Variants in AKT3 observed in about 807,000 individuals in gnomAD.
The protein encoded by AKT3 is RAC-gamma serine/threonine-protein kinase.
AKT3 carries 15 observed loss-of-function variants against 65.3 expected under a neutral mutation model. The observed-to-expected ratio is 0.23, with a 90% CI of 0.15 to 0.35. The LOEUF (loss-of-function observed/expected upper bound fraction) is 0.35. AKT3 is among the 10% of genes least tolerant of loss of function. The probability of loss-of-function intolerance (pLI) is 1.00; values close to 1 mark genes in which losing one functional copy is unlikely to be tolerated. For synonymous variants in AKT3, 206 were observed against 183.8 expected, an observed-to-expected ratio of 1.12 and a Z score of -0.98; for missense variants, 243 against 576.5, an observed-to-expected ratio of 0.42 and a Z score of 5.92.
intron 2 of AKT3, among the ~76,000 whole-genome samples, chr1:243,816,149 G>A (rs1693506824): frequency 6.6e-6 from 1 of 152,028 alleles, no homozygotes; most frequent in Non-Finnish European, 1.5e-5. Flanking sequence ...GATAGTTTTT[G>A]GCTTATAATT....
intron 12 of AKT3, among the ~76,000 whole-genome samples, chr1:243,528,347 GCA>G (rs1671296471): frequency 6.6e-6 from 1 of 152,000 alleles, no homozygotes; most frequent in Admixed American, 6.6e-5. Flanking sequence ...AGGTTGAGTG[GCA>G]CACACGTAGG....
At chr1:243,673,637 CAG>C (rs1219270885) in intron 3 of AKT3, among the ~76,000 whole-genome samples, 2 of 105,598 alleles carry the variant, frequency 1.9e-5, no homozygotes, top group Non-Finnish European at 3.7e-5. Flanking sequence ...TTTTTTTAGA[CAG>C]AGTCTTGCTC....
intron 2 of AKT3, among the ~76,000 whole-genome samples, chr1:243,834,206 T>G (rs554081390): frequency 6.6e-6 from 1 of 152,068 alleles, no homozygotes. Context: ...TAAAGACACA[T>G]GTACACATAT....
intron 2 of AKT3, among the ~76,000 whole-genome samples, chr1:243,720,429 TAAAAAAA>T (rs66716743): frequency 4.2e-5 from 4 of 96,044 alleles, no homozygotes; most frequent in Admixed American, 2.9e-4. Flanking sequence ...AAAGACATAG[TAAAAAAA>T]AAAAAAAAAA....
chr1:243,827,842 T>C (rs1393360244), intron 2 of AKT3, among the ~76,000 whole-genome samples: 1 of 152,130 alleles, frequency 6.6e-6, no homozygotes, highest in Non-Finnish European at 1.5e-5. Context: ...AAACATGAAT[T>C]TTTAAATTAA....
rs139770173 is a variant in AKT3, at chr1:243,504,636, T to TTA, written c.*611_*612dup. On this transcript the variant is annotated 3_prime_UTR_variant, in exon 14 of 14. Coordinates refer to ENST00000673466, the MANE Select transcript of AKT3 (RefSeq NM_005465.7). ...CCACCAGGAATTTAAAAAAAAAAAA[T>TTA]TATATATATATATATATATCCCAAC... The TTA allele has an allele frequency of 3.9e-3, 640 of 164,226 alleles. 4 individuals are homozygous for TTA. The highest frequency in any genetic ancestry group is 0.014 in the East Asian group (126 of 8,754). The allele number at this position is 164,226 out of a possible 1,614,324, so 10.2% of individuals were successfully genotyped here.
intron 8 of AKT3, among the ~76,000 whole-genome samples, chr1:243,609,981 C>T (rs1027747504): frequency 1.3e-5 from 2 of 152,120 alleles, no homozygotes; most frequent in Admixed American, 6.5e-5. Context: ...TTATTTCACA[C>T]TTAGTATTAT....
At chr1:243,801,799 A>C (rs1572373681) in intron 2 of AKT3, among the ~76,000 whole-genome samples, 1 of 152,334 alleles carries the variant, frequency 6.6e-6, no homozygotes, top group South Asian at 2.1e-4. Flanking sequence ...ACCTGCAAAA[A>C]TTATCGAGCC....
intron 4 of AKT3, among the ~76,000 whole-genome samples, chr1:243,656,784 T>A (rs1016493814): frequency 6.6e-6 from 1 of 152,210 alleles, no homozygotes; most frequent in Admixed American, 6.5e-5. Flanking sequence ...AGTGTGAGTG[T>A]CGTGGCCATG....
At chr1:243,758,365 G>A (rs139812752) in intron 2 of AKT3, among the ~76,000 whole-genome samples, 1 of 152,380 alleles carries the variant, frequency 6.6e-6, no homozygotes, top group East Asian at 1.9e-4. Flanking sequence ...ATGTGAGGAA[G>A]CTCGATATAG....
intron 4 of AKT3, among the ~76,000 whole-genome samples, chr1:243,648,992 G>A (rs917903395): frequency 2.6e-5 from 4 of 151,832 alleles, no homozygotes; most frequent in African/African-American, 4.8e-5. Context: ...TTAAGTTAAC[G>A]ATGTGAGAAA....
At chr1:243,761,866 T>G (rs530726337) in intron 2 of AKT3, among the ~76,000 whole-genome samples, 1 of 152,168 alleles carries the variant, frequency 6.6e-6, no homozygotes, top group Non-Finnish European at 1.5e-5. Context: ...ATTTTCTTAC[T>G]GAAGCAAAAA....
chr1:243,673,100 T>C (rs1683262278), intron 3 of AKT3, among the ~76,000 whole-genome samples: 1 of 152,228 alleles, frequency 6.6e-6, no homozygotes, highest in Non-Finnish European at 1.5e-5. Flanking sequence ...TTTAAAAATG[T>C]AGTAAAATAT....
chr1:243,762,974 T>A (rs896162236), intron 2 of AKT3, among the ~76,000 whole-genome samples: 1 of 152,092 alleles, frequency 6.6e-6, no homozygotes, highest in African/African-American at 2.4e-5. Flanking sequence ...AATATCAAAT[T>A]TTTCTACTGA....
At chr1:243,605,499 C>T (rs534369258) in intron 8 of AKT3, among the ~76,000 whole-genome samples, 1 of 152,266 alleles carries the variant, frequency 6.6e-6, no homozygotes, top group Admixed American at 6.5e-5. Context: ...ATCCTAAGGT[C>T]ACTCTGTAAA....
chr1:243,567,609 T>C (rs1002961996), intron 9 of AKT3, among the ~76,000 whole-genome samples: 6 of 151,606 alleles, frequency 4.0e-5, no homozygotes, highest in Admixed American at 2.6e-4. Flanking sequence ...GATTACAAGT[T>C]TGAGCTACTG....
chr1:243,615,117 G>A lies in AKT3; in HGVS notation c.606C>T (p.Asn202=). ...TTACTGTTAAAAAGGGATGTCTAGT[G>A]TTCTTTAATACTCTGCTTTCAGTTA... ...HTLTESRVLK[N]TRHPFLTSLK... The change falls in exon 7 of 14, where the codon AAC becomes AAT. Residue 202 remains asparagine (N), a synonymous_variant. Coordinates refer to ENST00000673466, the MANE Select transcript of AKT3 (RefSeq NM_005465.7). 6.2e-7 allele frequency: 1 copy of A among 1,608,906 alleles called. No individual in the cohort carries two copies. The highest frequency in any genetic ancestry group is 8.5e-7 in the Non-Finnish European group (1 of 1,177,032).
At chr1:243,761,237 T>C (rs1689472756) in intron 2 of AKT3, among the ~76,000 whole-genome samples, 1 of 152,016 alleles carries the variant, frequency 6.6e-6, no homozygotes, top group Admixed American at 6.6e-5. Flanking sequence ...TTTTCCTCAG[T>C]GAAATATAAA....
At chr1:243,692,188 C>A (rs1435005286) in intron 3 of AKT3, among the ~76,000 whole-genome samples, 2 of 152,136 alleles carry the variant, frequency 1.3e-5, no homozygotes. Context: ...TTCCTCTCAT[C>A]CTTCTCACGT....
Sources: gnomAD v4.1 joint callset for allele counts (sites outside exome capture counted in the v4.1 genomes callset) on GRCh38, gnomAD v4.1.1 for gene constraint, MANE v1.5 for transcripts, NCBI Gene and HGNC (gene_info 2026-07-23, HGNC 2026-07-21) for gene names.